The following STRN3 variants were observed in gnomAD, a reference collection of about 807,000 sequenced individuals.
The protein encoded by STRN3 is striatin 3, also known as striatin-3.
In STRN3, 29 loss-of-function variants were observed where a neutral mutation model predicts 95.6. The observed-to-expected ratio is 0.30, with a 90% CI of 0.23 to 0.41. STRN3 has a LOEUF of 0.41. Ranked by LOEUF, STRN3 falls within the 10% of genes least tolerant of loss-of-function variation. The probability of loss-of-function intolerance (pLI) is 1.00; values close to 1 mark genes in which losing one functional copy is unlikely to be tolerated. For missense variants in STRN3, 890 were observed against 972.1 expected, an observed-to-expected ratio of 0.92 and a Z score of 1.12; for synonymous variants, 331 against 357.6, an observed-to-expected ratio of 0.93 and a Z score of 0.84.
intron 8 of STRN3, among the ~76,000 whole-genome samples, chr14:30,925,411 A>C (rs1897003312): frequency 1.3e-5 from 2 of 152,178 alleles, no homozygotes; most frequent in South Asian, 4.1e-4. Flanking sequence ...AAAAAAGAAA[A>C]AAGACTGGAT....
chr14:31,025,884 CACCGACCCCAA>C lies in STRN3; in HGVS notation c.282+9_282+19del. On this transcript the variant is annotated intron_variant, in intron 1 of 17. Transcript: ENST00000357479. ...GAACCCAGCCGCCGCAGCTCCCGCA[CACCGACCCCAA>C]CGAGGTACCTGCAGTTCGGCCCGTT... 1.3e-6 allele frequency: 2 copies of C among 1,593,106 alleles called. No individual in the cohort carries two copies. Among genetic ancestry groups the C allele is most frequent in the Non-Finnish European group, 1.7e-6 (2 of 1,171,188 alleles).
chr14:30,960,077 G>A (rs1197496698), intron 1 of STRN3, among the ~76,000 whole-genome samples: 8 of 152,012 alleles, frequency 5.3e-5, no homozygotes, highest in South Asian at 2.1e-4. Context: ...GAGATGGGCC[G>A]AGTACAGGGG....
At chr14:30,971,906 G>T (rs1880849736) in intron 1 of STRN3, among the ~76,000 whole-genome samples, 2 of 152,094 alleles carry the variant, frequency 1.3e-5, no homozygotes, top group Non-Finnish European at 1.5e-5. Flanking sequence ...CATAAAAATG[G>T]CATTTACTAA....
At chr14:31,006,419 G>A (rs925956343) in intron 1 of STRN3, among the ~76,000 whole-genome samples, 1 of 152,006 alleles carries the variant, frequency 6.6e-6, no homozygotes, top group Admixed American at 6.6e-5. Context: ...AAGTAGCCCA[G>A]GTGTGGTGGC....
chr14:30,902,521 A>C lies in STRN3; in HGVS notation c.2137+15T>G, dbSNP rs1174930612. 2 of 1,508,840 alleles carry C rather than the reference A, an allele frequency of 1.3e-6. No homozygotes were observed. The highest frequency in any genetic ancestry group is 1.8e-6 in the Non-Finnish European group (2 of 1,099,070). 93.5% of individuals were successfully genotyped at this position (1,508,840 alleles called of 1,614,324 possible). On this transcript the variant is annotated intron_variant, in intron 16 of 17. Coordinates refer to ENST00000357479, the MANE Select transcript of STRN3 (RefSeq NM_001083893.2). Reference sequence around the variant, plus strand: ...TTACAGTATTACTAATATGAAAAGAAGACAATTTGCTTACCCGTTTTATTG... The same window carrying C: ...TTACAGTATTACTAATATGAAAAGACGACAATTTGCTTACCCGTTTTATTG...
Position 30,895,509 on chromosome 14 carries a change from T to C in STRN3, c.2296A>G (p.Lys766Glu), listed in dbSNP as rs749453792. 2 of 1,614,038 alleles carry C rather than the reference T, an allele frequency of 1.2e-6. No individual in the cohort carries two copies. The highest frequency in any genetic ancestry group is 1.7e-6 in the Non-Finnish European group (2 of 1,180,034). ...TCVQEITAHR[K>E]KLDESIYDVA... ...TCATAAATTGATTCATCCAATTTCT[T>C]TCTGTGAGCTGTTATTTCTTGCACA... is the stretch of plus-strand genomic sequence containing the variant. Residue 766 changes from lysine to glutamate, a missense_variant, in exon 18 of 18, where the codon AAG becomes GAG. This residue lies in a region of STRN3 where 357 missense variants were observed against 422.8 expected (regional missense o/e 0.84). Coordinates refer to ENST00000357479, the MANE Select transcript of STRN3 (RefSeq NM_001083893.2).
At position 30,996,663 on chromosome 14, in the gene STRN3, C is replaced by T. The variant is rs144590976; in HGVS notation, c.282+29241G>A. Among the ~76,000 whole-genome samples the T allele has an allele frequency of 4.5e-3, 682 of 152,190 alleles. 3 individuals are homozygous for T. The highest frequency in any genetic ancestry group is 0.016 in the African/African-American group (658 of 41,526). ...CGGGTGGATCACGAGGTCAGGAGATCAAGACCATCCTGGCCAACATGGTGA... is the reference window on the plus strand; with the variant it reads ...CGGGTGGATCACGAGGTCAGGAGATTAAGACCATCCTGGCCAACATGGTGA... On this transcript the variant is annotated intron_variant, in intron 1 of 17. Coordinates refer to ENST00000357479, the MANE Select transcript of STRN3 (RefSeq NM_001083893.2).
intron 1 of STRN3, among the ~76,000 whole-genome samples, chr14:30,998,067 T>C (rs1307578218): frequency 6.6e-6 from 1 of 152,068 alleles, no homozygotes; most frequent in Non-Finnish European, 1.5e-5. Context: ...TGAAATCCAA[T>C]AGCCCACAGT....
At chr14:30,971,187 G>A (rs1208940808) in intron 1 of STRN3, among the ~76,000 whole-genome samples, 2 of 152,222 alleles carry the variant, frequency 1.3e-5, no homozygotes, top group South Asian at 2.1e-4. Flanking sequence ...CAGATGTGTG[G>A]TGGTATTGTG....
chr14:31,018,149 T>G (rs896474117), intron 1 of STRN3, among the ~76,000 whole-genome samples: 6 of 148,014 alleles, frequency 4.1e-5, no homozygotes, highest in Non-Finnish European at 8.9e-5. Flanking sequence ...AAAAAAAACC[T>G]TAATAAAAAT....
intron 8 of STRN3, among the ~76,000 whole-genome samples, chr14:30,920,969 T>C (rs904517726): frequency 1.3e-5 from 2 of 152,064 alleles, no homozygotes; most frequent in Admixed American, 6.6e-5. Flanking sequence ...CAAAGCAATT[T>C]CCACATAGTT....
rs1009397362 is a variant in STRN3, at chr14:30,906,801, A to T, written c.1888+76T>A. On this transcript the variant is annotated intron_variant, in intron 14 of 17. Transcript: ENST00000357479. ...TCTCTTTGGAACAGTAAAGAAATAC[A>T]TCAATTACTTTGTCCTTTATATATT... The T allele has an allele frequency of 2.9e-6, 4 of 1,377,228 alleles. No individual in the cohort carries two copies. The East Asian group carries it at 9.7e-5, about 33-fold the overall frequency. The allele number at this position is 1,377,228 out of a possible 1,614,324, so 85.3% of individuals were successfully genotyped here. A position where few individuals can be genotyped will look rare whatever the true frequency, so the allele number is the denominator to read the frequency against.
At chr14:31,016,605 G>A (rs930445133) in intron 1 of STRN3, among the ~76,000 whole-genome samples, 1 of 151,966 alleles carries the variant, frequency 6.6e-6, no homozygotes, top group African/African-American at 2.4e-5. Context: ...GTGCAGTGGC[G>A]CGATCTCGAC....
intron 1 of STRN3, among the ~76,000 whole-genome samples, chr14:30,978,761 G>T (rs925007591): frequency 3.3e-5 from 5 of 152,094 alleles, no homozygotes; most frequent in South Asian, 4.1e-4. Context: ...AGCTAGGTGC[G>T]GTGGCTAACG....
Position 31,017,615 on chromosome 14 carries a change from C to A in STRN3, c.282+8289G>T, listed in dbSNP as rs535011403. On this transcript the variant is annotated intron_variant, in intron 1 of 17. Coordinates refer to ENST00000357479, the MANE Select transcript of STRN3 (RefSeq NM_001083893.2). Reference sequence around the variant, plus strand: ...GAGGATTTTGTATCCTGGAGGAGAACCCCTGGAACAAATTTCCCCCAAGGA... The same window carrying A: ...GAGGATTTTGTATCCTGGAGGAGAAACCCTGGAACAAATTTCCCCCAAGGA... 7.9e-5 allele frequency among the ~76,000 whole-genome samples: 12 copies of A among 152,140 alleles called. No homozygotes were observed. In the South Asian group the frequency reaches 1.0e-3, roughly 13 times the overall value.
chr14:30,945,973 T>A (rs533007976), intron 5 of STRN3, among the ~76,000 whole-genome samples: 1 of 152,206 alleles, frequency 6.6e-6, no homozygotes, highest in African/African-American at 2.4e-5. Flanking sequence ...TTAAATCGTA[T>A]TTTTTTAATG....
intron 1 of STRN3, among the ~76,000 whole-genome samples, chr14:30,977,254 GAA>G (rs1376745027): frequency 1.3e-5 from 2 of 151,926 alleles, no homozygotes; most frequent in East Asian, 3.9e-4. Flanking sequence ...GAAAAAAAGA[GAA>G]AGATTTGAAA....
intron 16 of STRN3, 54 bp from the exon 17 acceptor site, chr14:30,895,802 A>G (rs1016614283): frequency 2.8e-6 from 4 of 1,452,774 alleles, no homozygotes; most frequent in Admixed American, 4.1e-5. Context: ...CTAACTCGAG[A>G]CAACAGAAAC....
intron 1 of STRN3, among the ~76,000 whole-genome samples, chr14:31,008,608 T>C (rs1732981129): frequency 6.6e-6 from 1 of 152,236 alleles, no homozygotes; most frequent in South Asian, 2.1e-4. Flanking sequence ...GGTAAGTCTA[T>C]TATTTAAATA....
Sources: gnomAD v4.1 joint callset for allele counts (sites outside exome capture counted in the v4.1 genomes callset) on GRCh38, gnomAD v4.1.1 for gene constraint, gnomAD v4.1.1 regional missense constraint, MANE v1.5 for transcripts, NCBI Gene and HGNC (gene_info 2026-07-23, HGNC 2026-07-21) for gene names.